GMCL1: variants seen among roughly 807,000 people sequenced by gnomAD.
GMCL1 encodes the protein germ cell-less protein-like 1.
GMCL1 carries 54 observed loss-of-function variants against 75.5 expected under a neutral mutation model. The observed-to-expected ratio is 0.71, with a 90% CI of 0.57 to 0.90. The LOEUF is 0.90. Among genes scored for constraint, GMCL1 ranks in the 40% least tolerant of loss-of-function variants. The probability of loss-of-function intolerance (pLI) is 0.00; values close to 1 mark genes in which losing one functional copy is unlikely to be tolerated. For synonymous variants in GMCL1, 210 were observed against 209.6 expected, an observed-to-expected ratio of 1.00 and a Z score of -0.02; for missense variants, 537 against 622.7, an observed-to-expected ratio of 0.86 and a Z score of 1.47.
At chr2:69,873,647 C>A in intron 13 of GMCL1, 1 of 162,730 alleles carries the variant, frequency 6.1e-6, no homozygotes, top group East Asian at 1.7e-4. Flanking sequence ...TCCATCAGCC[C>A]TGATCACGGT....
chr2:69,832,763 T>C (rs1355930030), intron 1 of GMCL1, among the ~76,000 whole-genome samples: 9 of 152,204 alleles, frequency 5.9e-5, no homozygotes. Context: ...TTGAAATATA[T>C]GTCACAGTGC....
At chr2:69,868,169 G>A (rs1202742757) in intron 11 of GMCL1, among the ~76,000 whole-genome samples, 1 of 151,944 alleles carries the variant, frequency 6.6e-6, no homozygotes, top group Non-Finnish European at 1.5e-5. Context: ...GGAGGCTTAG[G>A]TGGAAAAATT....
rs527618083 is a variant in GMCL1, at chr2:69,837,470, G to A, written c.261-77G>A. ...ATTTAATAGAAATTGAATAAAAGGAGTATTTAGAAATATATGCAAAATCAG... is the reference window on the plus strand; with the variant it reads ...ATTTAATAGAAATTGAATAAAAGGAATATTTAGAAATATATGCAAAATCAG... On this transcript the variant is annotated intron_variant, in intron 1 of 13. Transcript: ENST00000282570. 5.4e-5 allele frequency: 60 copies of A among 1,101,330 alleles called. No homozygotes were observed. In the African/African-American group the frequency reaches 7.9e-4, roughly 14 times the overall value. 68.2% of individuals were successfully genotyped at this position (1,101,330 alleles called of 1,614,324 possible).
At position 69,840,924 on chromosome 2, in the gene GMCL1, T is replaced by A. The variant is rs753527391; in HGVS notation, c.482-18T>A. The stretch of plus-strand genomic sequence containing the variant: ...GATATAAATATTATTTCATCCTACA[T>A]GTGTACCTTGCTTTCAGCACTGCAG... On this transcript the variant is annotated intron_variant, in intron 3 of 13. Coordinates refer to ENST00000282570, the MANE Select transcript of GMCL1 (RefSeq NM_178439.5). 1 of 1,544,574 alleles carries A rather than the reference T, an allele frequency of 6.5e-7. No individual in the cohort carries two copies. The highest frequency in any genetic ancestry group is 1.1e-5 in the South Asian group (1 of 89,266).
intron 8 of GMCL1, among the ~76,000 whole-genome samples, chr2:69,854,406 T>A (rs571423575): frequency 1.2e-4 from 19 of 152,340 alleles, no homozygotes; most frequent in Non-Finnish European, 2.8e-4. Flanking sequence ...TTAAAAGAAA[T>A]TAAGAGATAT....
chr2:69,829,822 G>C lies in GMCL1; in HGVS notation c.-71G>C. ...AGGCACCTGCGCTCGGGGAAGGCTG[G>C]CGGCGGCGGCCGAGCCATGGCGGGA... is the stretch of plus-strand genomic sequence containing the variant. On this transcript the variant is annotated 5_prime_UTR_variant, in exon 1 of 14. Transcript: ENST00000282570. 6.9e-7 allele frequency: 1 copy of C among 1,449,506 alleles called. No individual in the cohort carries two copies. The highest frequency in any genetic ancestry group is 9.1e-7 in the Non-Finnish European group (1 of 1,102,350). The allele number at this position is 1,449,506 out of a possible 1,614,324, so 89.8% of individuals were successfully genotyped here.
intron 11 of GMCL1, among the ~76,000 whole-genome samples, chr2:69,868,178 T>C (rs759340175): frequency 3.9e-4 from 59 of 152,022 alleles, no homozygotes; most frequent in Admixed American, 1.6e-3. Context: ...GGTGGAAAAA[T>C]TGCTTGAACC....
At chr2:69,867,517 A>T (rs1405071222) in intron 11 of GMCL1, among the ~76,000 whole-genome samples, 1 of 152,180 alleles carries the variant, frequency 6.6e-6, no homozygotes, top group South Asian at 2.1e-4. Context: ...TTCTGGATAT[A>T]CAATACATTG....
intron 8 of GMCL1, among the ~76,000 whole-genome samples, chr2:69,850,403 G>A (rs1353358758): frequency 2.0e-5 from 3 of 152,128 alleles, no homozygotes; most frequent in Non-Finnish European, 2.9e-5. Flanking sequence ...TCTAGAAAAA[G>A]TATTTTTTAC....
intron 12 of GMCL1, among the ~76,000 whole-genome samples, chr2:69,871,244 T>C (rs1214580892): frequency 6.6e-6 from 1 of 152,148 alleles, no homozygotes; most frequent in African/African-American, 2.4e-5. Flanking sequence ...CTGGAAGACA[T>C]GCCAAGTGAA....
In GMCL1 at chr2:69,869,824, G is replaced by A. The variant is rs777576316; in HGVS notation, c.1324G>A (p.Gly442Arg). 6.8e-6 allele frequency: 11 copies of A among 1,613,744 alleles called. No homozygotes were observed. The highest frequency in any genetic ancestry group is 1.1e-5 in the South Asian group (1 of 91,054). Residue 442 changes from glycine (G) to arginine (R), a missense_variant, in exon 12 of 14, where the codon GGA becomes AGA. By Grantham distance (125) the Gly-to-Arg change is moderately radical. Coordinates refer to ENST00000282570, the MANE Select transcript of GMCL1 (RefSeq NM_178439.5). ...KRNTLNQPCS[G>R]SVSLQPRRSI... ...CAATACACTGAATCAGCCATGTAGCGGATCTGTCAGTTTACAGCCTCGAAG... is the reference window on the plus strand; with the variant it reads ...CAATACACTGAATCAGCCATGTAGCAGATCTGTCAGTTTACAGCCTCGAAG...
At chr2:69,852,544 C>CTGTT (rs1553371414) in intron 8 of GMCL1, among the ~76,000 whole-genome samples, 20,930 of 147,654 alleles carry the variant, frequency 0.14, 1,791 homozygotes, top group Non-Finnish European at 0.2. Flanking sequence ...GTCTGTCTGT[C>CTGTT]TTTTTTTTTT....
At chr2:69,861,392 A>G (rs767390100) in intron 10 of GMCL1, 45 bp downstream of exon 10, 8 of 1,319,802 alleles carry the variant, frequency 6.1e-6, no homozygotes, top group South Asian at 1.4e-5. Context: ...AAAATTTGCT[A>G]TGAATTTTTT....
chr2:69,850,993 A>G (rs1033252162), intron 8 of GMCL1, among the ~76,000 whole-genome samples: 4 of 152,188 alleles, frequency 2.6e-5, no homozygotes, highest in African/African-American at 9.7e-5. Flanking sequence ...CTTCTGTGAG[A>G]TATCTGTTCA....
At chr2:69,871,716 T>G in intron 12 of GMCL1, 29 bp from the exon 13 acceptor site, 1 of 1,219,838 alleles carries the variant, frequency 8.2e-7, no homozygotes, top group Non-Finnish European at 1.2e-6. Context: ...AAATCTTGTG[T>G]TTATTTTTTA....
intron 2 of GMCL1, among the ~76,000 whole-genome samples, chr2:69,839,158 G>A (rs761736105): frequency 6.6e-6 from 1 of 152,158 alleles, no homozygotes; most frequent in Non-Finnish European, 1.5e-5. Context: ...AACAGTTTGA[G>A]TAAAAAGCTA....
At chr2:69,861,127 G>C in intron 9 of GMCL1, 151 bp from the exon 10 acceptor site, 1 of 542,790 alleles carries the variant, frequency 1.8e-6, no homozygotes. Context: ...ATAGGCATGA[G>C]CCACCATGCT....
Position 69,878,735 on chromosome 2 carries a change from C to A in GMCL1, c.1453-174C>A, listed in dbSNP as rs549435435. Among the ~76,000 whole-genome samples the A allele has an allele frequency of 5.3e-5, 8 of 152,272 alleles. No homozygotes were observed. In the South Asian group the frequency reaches 1.7e-3, roughly 32 times the overall value. ...AGGTACTCTTACTGTCCCCATCTTA[C>A]AGTGAGGAAGCTGCATTTGACAAGG... On this transcript the variant is annotated intron_variant, in intron 13 of 13. Coordinates refer to ENST00000282570, the MANE Select transcript of GMCL1 (RefSeq NM_178439.5).
chr2:69,842,498 T>C (rs1360122876), intron 4 of GMCL1, among the ~76,000 whole-genome samples: 1 of 152,196 alleles, frequency 6.6e-6, no homozygotes, highest in Non-Finnish European at 1.5e-5. Context: ...TAAATTCACC[T>C]TCTGCTTACT....
Sources: gnomAD v4.1 joint callset for allele counts (sites outside exome capture counted in the v4.1 genomes callset) on GRCh38, gnomAD v4.1.1 for gene constraint, MANE v1.5 for transcripts, NCBI Gene and HGNC (gene_info 2026-07-23, HGNC 2026-07-21) for gene names.